The following INSR variants were observed in gnomAD, a reference collection of about 807,000 sequenced individuals.
INSR encodes the protein insulin receptor, also known as IR.
In INSR, 67 loss-of-function variants were observed where a neutral mutation model predicts 142.6. That is an observed-to-expected ratio of 0.47 (90% confidence interval 0.39 to 0.58). The LOEUF (loss-of-function observed/expected upper bound fraction) is 0.58, where lower values mean the gene tolerates loss of function less well. Ranked by LOEUF, INSR falls within the 20% of genes least tolerant of loss-of-function variation. INSR has a pLI of 0.00. For missense variants in INSR, 1,248 were observed against 1,833.2 expected, an observed-to-expected ratio of 0.68 and a Z score of 5.83; for synonymous variants, 756 against 743.1, an observed-to-expected ratio of 1.02 and a Z score of -0.28.
chr19:7,121,218 C>T (rs1421734035), intron 19 of INSR, among the ~76,000 whole-genome samples: 2 of 152,024 alleles, frequency 1.3e-5, no homozygotes, highest in Non-Finnish European at 1.5e-5. Flanking sequence ...AGGCTGGTCT[C>T]GAACTCCTGA....
intron 2 of INSR, among the ~76,000 whole-genome samples, chr19:7,228,804 G>A (rs1442075796): frequency 2.0e-5 from 3 of 152,138 alleles, no homozygotes; most frequent in Non-Finnish European, 2.9e-5. Flanking sequence ...ATAGACACAC[G>A]GATAGATGGA....
At chr19:7,139,863 G>GC (rs1973025459) in intron 13 of INSR, among the ~76,000 whole-genome samples, 1 of 115,814 alleles carries the variant, frequency 8.6e-6, no homozygotes, top group Non-Finnish European at 1.6e-5. Flanking sequence ...TTGTTCTGTC[G>GC]CCCAGGCTGG....
chr19:7,202,987 G>GT (rs111825279), intron 2 of INSR, among the ~76,000 whole-genome samples: 57,946 of 143,716 alleles, frequency 0.4, 11,750 homozygotes, highest in East Asian at 0.46. Flanking sequence ...TTTGGGGTGG[G>GT]GTTTTGTTGT....
intron 3 of INSR, among the ~76,000 whole-genome samples, chr19:7,183,268 G>A (rs936031150): frequency 1.2e-4 from 10 of 83,180 alleles, no homozygotes; most frequent in Non-Finnish European, 2.6e-4. Context: ...TTTGTGGTGT[G>A]TGTGTGTGTG....
At chr19:7,118,553 G>C (rs1972395659) in intron 21 of INSR, among the ~76,000 whole-genome samples, 1 of 151,848 alleles carries the variant, frequency 6.6e-6, no homozygotes. Context: ...CCTGACCTTA[G>C]GTGATCGTTC....
intron 2 of INSR, among the ~76,000 whole-genome samples, chr19:7,251,496 A>G (rs1269140870): frequency 4.6e-5 from 7 of 151,880 alleles, no homozygotes; most frequent in Admixed American, 4.6e-4. Context: ...CTTGGCTTCA[A>G]GTGATCCTCC....
At chr19:7,236,798 G>A (rs4630674) in intron 2 of INSR, among the ~76,000 whole-genome samples, 49,483 of 151,856 alleles carry the variant, frequency 0.33, 8,417 homozygotes, top group East Asian at 0.6. Flanking sequence ...AGGCCGAGGC[G>A]GGCGGATCAT....
intron 16 of INSR, among the ~76,000 whole-genome samples, chr19:7,126,159 G>C (rs1407954835): frequency 2.0e-5 from 3 of 152,180 alleles, no homozygotes; most frequent in Non-Finnish European, 2.9e-5. Context: ...ACAGAGTGAG[G>C]CTCAGCCTCC....
intron 2 of INSR, among the ~76,000 whole-genome samples, chr19:7,256,322 G>A (rs565389694): frequency 5.9e-5 from 9 of 151,904 alleles, no homozygotes; most frequent in African/African-American, 9.7e-5. Context: ...GGTGGTGGGC[G>A]CCTGTAGTCC....
chr19:7,193,954 G>A (rs1437173228), intron 2 of INSR, among the ~76,000 whole-genome samples: 2 of 87,008 alleles, frequency 2.3e-5, no homozygotes, highest in African/African-American at 5.1e-5. Flanking sequence ...CGCTCTCCCC[G>A]AGCTCCCAAA....
At chr19:7,242,171 AAGG>A (rs1377552009) in intron 2 of INSR, among the ~76,000 whole-genome samples, 7 of 148,752 alleles carry the variant, frequency 4.7e-5, no homozygotes, top group African/African-American at 1.7e-4. Flanking sequence ...AAAAAAGAAG[AAGG>A]AGGAGGAGAA....
chr19:7,182,190 G>T (rs1047220277), intron 3 of INSR, among the ~76,000 whole-genome samples: 2 of 151,944 alleles, frequency 1.3e-5, no homozygotes, highest in Admixed American at 6.6e-5. Context: ...GAAAAATTTA[G>T]CTGGGTATGG....
Position 7,216,526 on chromosome 19 carries a change from C to T in INSR, c.653-31889G>A, listed in dbSNP as rs763148722. Among the ~76,000 whole-genome samples, 1 of 152,150 alleles carries T rather than the reference C, an allele frequency of 6.6e-6. No homozygotes were observed. ...AACAGGGAACCACGGGGGATGTCCC[C>T]GGGCTCTGGGTTCGAAAATGCAGGC... On this transcript the variant is annotated intron_variant, in intron 2 of 21. Coordinates refer to ENST00000302850, the MANE Select transcript of INSR (RefSeq NM_000208.4). This position sits in a 1 kb window ranked among gnomAD's most constrained non-coding sequence, Gnocchi z 4.2.
intron 4 of INSR, among the ~76,000 whole-genome samples, chr19:7,174,100 T>C (rs113390418): frequency 1.8e-4 from 27 of 149,214 alleles, no homozygotes; most frequent in African/African-American, 6.4e-4. Context: ...CTGGGCAACA[T>C]AGTGAGAACC....
chr19:7,149,922 AAGG>A, intron 11 of INSR, among the ~76,000 whole-genome samples: 1 of 143,068 alleles, frequency 7.0e-6, no homozygotes. Flanking sequence ...AGAAAGAAAG[AAGG>A]AAAAAAAGAA....
chr19:7,274,672 A>G (rs913173276), intron 1 of INSR, among the ~76,000 whole-genome samples: 1 of 151,560 alleles, frequency 6.6e-6, no homozygotes, highest in African/African-American at 2.4e-5. Context: ...GCATGGTGGC[A>G]GGTGCCTGTA....
At chr19:7,221,145 G>A (rs61699527) in intron 2 of INSR, among the ~76,000 whole-genome samples, 4,028 of 152,158 alleles carry the variant, frequency 0.026, 169 homozygotes, top group African/African-American at 0.091. Context: ...AGGCTGAGGC[G>A]GGCGGATCAC....
At chr19:7,163,280 A>T in intron 8 of INSR, 81 bp from the exon 9 acceptor site, 2 of 1,389,620 alleles carry the variant, frequency 1.4e-6, no homozygotes, top group Middle Eastern at 2.1e-4. Context: ...GGGGACACAC[A>T]AGTTAAAGAC....
intron 13 of INSR, among the ~76,000 whole-genome samples, chr19:7,138,005 C>A (rs1393275926): frequency 6.7e-6 from 1 of 148,230 alleles, no homozygotes; most frequent in Non-Finnish European, 1.5e-5. Flanking sequence ...ACTCTGTCGC[C>A]CAGGCTGGAG....
Sources: allele counts gnomAD v4.1 joint callset (sites outside exome capture counted in the v4.1 genomes callset), GRCh38; gene constraint gnomAD v4.1.1; non-coding constraint Gnocchi (gnomAD v3.1); transcripts MANE v1.5; gene names NCBI Gene and HGNC (gene_info 2026-07-23, HGNC 2026-07-21).